Variants in PLA2G4D observed in about 807,000 individuals in gnomAD.
PLA2G4D encodes cytosolic phospholipase A2 delta.
Under a neutral mutation model 94.4 loss-of-function variants are expected in PLA2G4D, and 80 were observed. The ratio of observed to expected loss-of-function variants is 0.85; its 90% CI spans 0.71 to 1.02. The LOEUF (loss-of-function observed/expected upper bound fraction) is 1.02, where lower values mean the gene tolerates loss of function less well. Among genes scored for constraint, PLA2G4D ranks in the 50% least tolerant of loss-of-function variants. PLA2G4D has a pLI of 0.00. For missense variants in PLA2G4D, 1,050 were observed against 1,034.7 expected (o/e 1.01, Z -0.20); for synonymous variants, 438 against 440.9 (o/e 0.99, Z 0.08).
intron 1 of PLA2G4D, among the ~76,000 whole-genome samples, chr15:42,092,441 A>T (rs1566867124): frequency 6.6e-6 from 1 of 152,166 alleles, no homozygotes; most frequent in East Asian, 1.9e-4. Context: ...GTCTAATTTG[A>T]CTAACAGATA....
chr15:42,077,531 T>C (rs1462667119), intron 13 of PLA2G4D, among the ~76,000 whole-genome samples: 1 of 152,250 alleles, frequency 6.6e-6, no homozygotes, highest in Admixed American at 6.5e-5. Context: ...CACCTCATTC[T>C]TACCTCTCCT....
chr15:42,076,160 A>G (rs1889921470), intron 13 of PLA2G4D, among the ~76,000 whole-genome samples: 1 of 152,186 alleles, frequency 6.6e-6, no homozygotes, highest in Non-Finnish European at 1.5e-5. Context: ...AATACATGAA[A>G]AATATATGAA....
chr15:42,072,612 T>C (rs1014247113), intron 13 of PLA2G4D, among the ~76,000 whole-genome samples: 1 of 152,148 alleles, frequency 6.6e-6, no homozygotes, highest in Non-Finnish European at 1.5e-5. Context: ...GGCTGTGTAC[T>C]ATGAATCTCC....
intron 1 of PLA2G4D, 89 bp downstream of exon 1, chr15:42,094,326 C>T: frequency 1.3e-6 from 2 of 1,492,298 alleles, no homozygotes; most frequent in South Asian, 1.2e-5. Flanking sequence ...TCTGAAATCA[C>T]CCTGATTCCA....
chr15:42,093,683 A>G (rs1890286491), intron 1 of PLA2G4D, among the ~76,000 whole-genome samples: 2 of 152,188 alleles, frequency 1.3e-5, no homozygotes, highest in South Asian at 4.2e-4. Flanking sequence ...ACCAGTCTGG[A>G]GCTGCTTGTC....
chr15:42,094,080 T>A (rs111700184), intron 1 of PLA2G4D, among the ~76,000 whole-genome samples: 51 of 152,236 alleles, frequency 3.4e-4, no homozygotes, highest in African/African-American at 8.9e-4. Flanking sequence ...TCTGCCGGCC[T>A]GTGGTGGTGG....
intron 18 of PLA2G4D, 199 bp downstream of exon 18, chr15:42,070,518 G>A (rs1889782698): frequency 3.1e-6 from 2 of 640,628 alleles, no homozygotes; most frequent in Non-Finnish European, 5.3e-6. Context: ...CTGTTCACCT[G>A]TCCTGGGAGC....
chr15:42,093,059 G>A (rs1291415806), intron 1 of PLA2G4D, among the ~76,000 whole-genome samples: 14 of 152,118 alleles, frequency 9.2e-5, no homozygotes, highest in Admixed American at 4.6e-4. Flanking sequence ...CGGCAGGCAC[G>A]TTCCAGAACA....
Position 42,085,548 on chromosome 15 carries a change from T to C in PLA2G4D, c.388-17A>G. ...CTCCTCTCCCTGAAATCAGAGAGCA[T>C]GAGCAAGTCATCAGCACATACCTGT... On this transcript the variant is annotated splice_polypyrimidine_tract_variant and intron_variant, in intron 4 of 19. Transcript: ENST00000290472. The C allele has an allele frequency of 6.2e-7, 1 of 1,612,150 alleles. No individual in the cohort carries two copies.
chr15:42,078,447 A>G (rs1316052445), intron 13 of PLA2G4D, among the ~76,000 whole-genome samples: 1 of 152,202 alleles, frequency 6.6e-6, no homozygotes, highest in South Asian at 2.1e-4. Flanking sequence ...GCTTTATTCA[A>G]TGTCTTAGGT....
At chr15:42,083,590 T>C (rs1488729896) in intron 7 of PLA2G4D, 126 bp downstream of exon 7, 23 of 1,235,314 alleles carry the variant, frequency 1.9e-5, no homozygotes, top group African/African-American at 3.0e-5. Flanking sequence ...CTCTGTGCCA[T>C]GTGGGTGAGA....
chr15:42,083,713 C>T lies in PLA2G4D; in HGVS notation c.535+3G>A. Reference sequence around the variant, plus strand: ...TCCAGGCCTGGTTCTAAGCTGGTCTCACCTGCAACCACAGCGGTGCTCCCT... The same window carrying T: ...TCCAGGCCTGGTTCTAAGCTGGTCTTACCTGCAACCACAGCGGTGCTCCCT... On this transcript the variant is annotated splice_donor_region_variant and intron_variant, in intron 7 of 19. Transcript: ENST00000290472. 6.2e-7 allele frequency: 1 copy of T among 1,614,018 alleles called. No individual in the cohort carries two copies. The highest frequency in any genetic ancestry group is 8.5e-7 in the Non-Finnish European group (1 of 1,179,998).
In PLA2G4D at chr15:42,069,741, A is replaced by G. The variant is rs144433551; in HGVS notation, c.2230+168T>C. Reference sequence around the variant, plus strand: ...GAGGGCCTGCAGGGATGTGGGCATCAGCAAGGAGGCCAGGGTGGGCTCCAA... The same window carrying G: ...GAGGGCCTGCAGGGATGTGGGCATCGGCAAGGAGGCCAGGGTGGGCTCCAA... On this transcript the variant is annotated intron_variant, in intron 19 of 19. Coordinates refer to ENST00000290472, the MANE Select transcript of PLA2G4D (RefSeq NM_178034.4). Among the ~76,000 whole-genome samples the G allele has an allele frequency of 1.6e-3, 237 of 152,332 alleles. 1 individual carries two copies. Among genetic ancestry groups the G allele is most frequent in the African/African-American group, 5.5e-3 (228 of 41,578 alleles).
rs1233938489 is a variant in PLA2G4D at position 42,085,028 on chromosome 15, G to C, written c.471+68C>G. On this transcript the variant is annotated intron_variant, in intron 6 of 19. Transcript: ENST00000290472. ...CTTGTCCCTGCTGGTCCACACCCCA[G>C]GCAGCTGCCCTCCCTCCCCAAGCGT... The C allele has an allele frequency of 1.9e-6, 3 of 1,561,608 alleles. No individual in the cohort carries two copies. The African/African-American group carries it at 4.1e-5, about 21-fold the overall frequency.
intron 10 of PLA2G4D, 59 bp downstream of exon 10, chr15:42,081,738 A>C: frequency 6.2e-7 from 1 of 1,613,058 alleles, no homozygotes; most frequent in Middle Eastern, 1.7e-4. Flanking sequence ...CTTTGTCCAT[A>C]GCCCTCCCCT....
At chr15:42,075,754 G>T (rs1328586928) in intron 13 of PLA2G4D, among the ~76,000 whole-genome samples, 2 of 152,128 alleles carry the variant, frequency 1.3e-5, no homozygotes, top group African/African-American at 4.8e-5. Context: ...GTGCATGGTG[G>T]TGCATGCCTG....
At chr15:42,083,498 C>T (rs1237344822) in intron 7 of PLA2G4D, among the ~76,000 whole-genome samples, 164 bp from the exon 8 acceptor site, 1 of 152,164 alleles carries the variant, frequency 6.6e-6, no homozygotes, top group South Asian at 2.1e-4. Flanking sequence ...GGCCCCACAA[C>T]CCCCCATCCC....
chr15:42,092,334 C>A (rs1890259924), intron 1 of PLA2G4D, among the ~76,000 whole-genome samples: 1 of 152,176 alleles, frequency 6.6e-6, no homozygotes, highest in Non-Finnish European at 1.5e-5. Context: ...TCTATTCTAC[C>A]TTCCCAGGAC....
rs1890040535 is a variant in PLA2G4D at position 42,081,607 on chromosome 15, C to A, written c.829G>T (p.Glu277Ter). ...TTGAAGCCCAGGTGCACGGCCAGCTCCTCAGGGCTGTGGCAATGGAGGATC... is the reference window on the plus strand; with the variant it reads ...TTGAAGCCCAGGTGCACGGCCAGCTACTCAGGGCTGTGGCAATGGAGGATC... ...LQLKAEGCPEELAVHLGFNLC... is the reference protein window; with the variant it reads ...LQLKAEGCPE The change falls in exon 11 of 20, where the codon GAG becomes TAG. Residue 277 changes from glutamate (E) to a stop codon, truncating the protein, a stop_gained. Transcript: ENST00000290472. LOFTEE classifies it high-confidence loss of function. 6.2e-7 allele frequency: 1 copy of A among 1,614,088 alleles called. No homozygotes were observed. Among genetic ancestry groups the A allele is most frequent in the East Asian group, 2.2e-5 (1 of 44,890 alleles).
Sources: allele counts gnomAD v4.1 joint callset (sites outside exome capture counted in the v4.1 genomes callset), GRCh38; gene constraint gnomAD v4.1.1; transcripts MANE v1.5; gene names NCBI Gene and HGNC (gene_info 2026-07-23, HGNC 2026-07-21).